The following NEBL variants were observed in gnomAD, a reference collection of about 807,000 sequenced individuals.
NEBL encodes the protein nebulette, also known as LIM and SH3 protein 2.
In NEBL, 122 loss-of-function variants were observed where a neutral mutation model predicts 140.2. The observed-to-expected ratio is 0.87, with a 90% CI of 0.75 to 1.01. NEBL has a LOEUF of 1.01. NEBL is among the 50% of genes least tolerant of loss of function. The pLI is 0.00. For missense variants in NEBL, 1,365 were observed against 1,231.3 expected, an observed-to-expected ratio of 1.11 and a Z score of -1.62; for synonymous variants, 436 against 398.9, an observed-to-expected ratio of 1.09 and a Z score of -1.11.
At chr10:21,167,622 G>A (rs1840837053) in intron 2 of NEBL, among the ~76,000 whole-genome samples, 1 of 152,128 alleles carries the variant, frequency 6.6e-6, no homozygotes, top group Non-Finnish European at 1.5e-5. Flanking sequence ...ATTTTAAAAA[G>A]ACATAGTAAA....
rs771683557 is a variant in NEBL at position 20,897,122 on chromosome 10, C to T, written c.81+3G>A. On this transcript the variant is annotated splice_donor_region_variant and intron_variant, in intron 1 of 27. Coordinates refer to ENST00000377122, the MANE Select transcript of NEBL (RefSeq NM_006393.3). ...TGGTCTGAGTATGTGTTTTCTCACTCACCTGGTCTTCTTCATTTTCTTCTT... is the reference window on the plus strand; with the variant it reads ...TGGTCTGAGTATGTGTTTTCTCACTTACCTGGTCTTCTTCATTTTCTTCTT... The T allele has an allele frequency of 1.9e-6, 3 of 1,594,294 alleles. No homozygotes were observed. The highest frequency in any genetic ancestry group is 4.5e-5 in the East Asian group (2 of 44,776).
Position 21,173,651 on chromosome 10 carries a change from C to A in NEBL, c.69+114G>T. On this transcript the variant is annotated intron_variant, in intron 1 of 6. Transcript: ENST00000417816. This position sits in a 1 kb window ranked among gnomAD's most constrained non-coding sequence, Gnocchi z 5.7. ...CGCGCCCTCCCCCCGTGCCAAGGCA[C>A]ACGCACACGCACCGACCCACTCATT... The A allele has an allele frequency of 6.4e-7, 1 of 1,551,478 alleles. No homozygotes were observed.
chr10:20,983,745 C>T (rs1837143683), intron 3 of NEBL, among the ~76,000 whole-genome samples: 1 of 152,146 alleles, frequency 6.6e-6, no homozygotes, highest in Non-Finnish European at 1.5e-5. Flanking sequence ...ACTAATGAGA[C>T]ATATACACTT....
At chr10:21,052,104 T>C (rs1395149851) in intron 2 of NEBL, among the ~76,000 whole-genome samples, 1 of 152,154 alleles carries the variant, frequency 6.6e-6, no homozygotes, top group African/African-American at 2.4e-5. Flanking sequence ...AAAAAAACTT[T>C]ACATATCAGA....
In NEBL at chr10:20,861,425, C is replaced by T. The variant is rs538534842; in HGVS notation, c.685-1599G>A. On this transcript the variant is annotated intron_variant, in intron 7 of 27. Coordinates refer to ENST00000377122, the MANE Select transcript of NEBL (RefSeq NM_006393.3). ...ATCTCCTGACCTTCATCTCCTGACC[C>T]ACCTTGGCCTCCCAAAGTGCTGGGA... 1.1e-3 allele frequency among the ~76,000 whole-genome samples: 161 copies of T among 152,294 alleles called. 1 individual carries two copies. Among genetic ancestry groups the T allele is most frequent in the African/African-American group, 3.7e-3 (152 of 41,576 alleles).
chr10:21,079,210 G>A (rs1407474191), intron 2 of NEBL, among the ~76,000 whole-genome samples: 1 of 152,130 alleles, frequency 6.6e-6, no homozygotes, highest in African/African-American at 2.4e-5. Flanking sequence ...AAAGTGTCCT[G>A]GGTGCATCCT....
At chr10:21,117,005 A>G (rs892205011) in intron 2 of NEBL, among the ~76,000 whole-genome samples, 2 of 152,070 alleles carry the variant, frequency 1.3e-5, no homozygotes, top group Non-Finnish European at 2.9e-5. Flanking sequence ...GATTTCAGAA[A>G]TATACATGTT....
intron 4 of NEBL, among the ~76,000 whole-genome samples, chr10:20,928,977 C>G (rs982340847): frequency 5.3e-5 from 8 of 152,092 alleles, no homozygotes; most frequent in Non-Finnish European, 1.2e-4. Context: ...CGCCTCCTCT[C>G]TTACCTTCTT....
chr10:20,916,302 G>A lies in NEBL; in HGVS notation c.357+45370C>T, dbSNP rs141913799. Among the ~76,000 whole-genome samples, 231 of 152,194 alleles carry A rather than the reference G, an allele frequency of 1.5e-3. 2 individuals carry two copies. The East Asian group carries it at 0.026, about 17-fold the overall frequency. ...AGGAGGGAAACAGAAGCAAACTATC[G>A]CTTAAAAATTAAATAATTAAAAATA... On this transcript the variant is annotated intron_variant, in intron 4 of 6. Coordinates refer to the NEBL transcript ENST00000417816.
chr10:20,928,424 G>A (rs1277608739), intron 4 of NEBL, among the ~76,000 whole-genome samples: 1 of 152,148 alleles, frequency 6.6e-6, no homozygotes, highest in Non-Finnish European at 1.5e-5. Flanking sequence ...GGCACCACAA[G>A]AGAACTCAGA....
intron 2 of NEBL, among the ~76,000 whole-genome samples, chr10:21,166,933 A>T (rs1840803817): frequency 6.6e-6 from 1 of 152,220 alleles, no homozygotes; most frequent in Admixed American, 6.5e-5. Context: ...GATGGTGGGA[A>T]TACTCTCAGG....
chr10:21,272,499 G>A (rs1842872279), intron 1 of NEBL, among the ~76,000 whole-genome samples: 1 of 152,044 alleles, frequency 6.6e-6, no homozygotes, highest in Admixed American at 6.6e-5. Flanking sequence ...TGAGGTAAGA[G>A]GATCAACTGA....
chr10:20,994,009 T>A lies in NEBL; in HGVS notation c.249+26108A>T, dbSNP rs11012466. 0.022 allele frequency among the ~76,000 whole-genome samples: 3,422 copies of A among 152,274 alleles called. 393 individuals carry two copies. The East Asian group carries it at 0.36, about 16-fold the overall frequency. ...AATGTCAAATTAAACCACAGCCACA[T>A]AAACAACTGCAGCCATCTCACAACA... On this transcript the variant is annotated intron_variant, in intron 3 of 6. Transcript: ENST00000417816.
chr10:21,141,608 A>G (rs1482132786), intron 2 of NEBL, among the ~76,000 whole-genome samples: 1 of 152,248 alleles, frequency 6.6e-6, no homozygotes, highest in Non-Finnish European at 1.5e-5. Flanking sequence ...TTGAACATCA[A>G]AAATCACCCA....
chr10:21,278,223 T>C (rs1403922439), intron 1 of NEBL, among the ~76,000 whole-genome samples: 2 of 152,118 alleles, frequency 1.3e-5, no homozygotes, highest in African/African-American at 4.8e-5. Context: ...GGAGAATTGC[T>C]TGAGCCCAGG....
intron 2 of NEBL, among the ~76,000 whole-genome samples, chr10:21,100,150 C>T (rs1286636970): frequency 6.6e-6 from 1 of 152,140 alleles, no homozygotes; most frequent in Non-Finnish European, 1.5e-5. Context: ...ATTCTATTGA[C>T]TCTTTAGTTT....
At chr10:21,039,506 G>A (rs1348287406) in intron 2 of NEBL, among the ~76,000 whole-genome samples, 1 of 152,090 alleles carries the variant, frequency 6.6e-6, no homozygotes, top group Non-Finnish European at 1.5e-5. Context: ...TTTTTGTCAG[G>A]TTTGTTGAAG....
At chr10:21,104,372 T>A (rs1837614833) in intron 2 of NEBL, among the ~76,000 whole-genome samples, 1 of 152,188 alleles carries the variant, frequency 6.6e-6, no homozygotes, top group South Asian at 2.1e-4. Context: ...GAGCATTGTA[T>A]ATCTCCCCAT....
rs747359685 is a variant in NEBL at position 20,819,416 on chromosome 10, C to G, written c.2055+8G>C. The G allele has an allele frequency of 1.9e-6, 3 of 1,613,960 alleles. No individual in the cohort carries two copies. In the South Asian group the frequency reaches 3.3e-5, roughly 18 times the overall value. ...GAGAAAATATAAAAGGAAACAGAAA[C>G]GACTTGCCGCACTCAGCTGCTCCTG... On this transcript the variant is annotated splice_region_variant and intron_variant, in intron 20 of 27. Transcript: ENST00000377122.
Sources: allele counts gnomAD v4.1 joint callset (sites outside exome capture counted in the v4.1 genomes callset), GRCh38; gene constraint gnomAD v4.1.1; non-coding constraint Gnocchi (gnomAD v3.1); transcripts MANE v1.5; gene names NCBI Gene and HGNC (gene_info 2026-07-23, HGNC 2026-07-21).